The following PSD3 variants were observed in gnomAD, a reference collection of about 807,000 sequenced individuals.
The protein encoded by PSD3 is PH and SEC7 domain-containing protein 3.
PSD3 carries 49 observed loss-of-function variants against 105.5 expected under a neutral mutation model. The observed-to-expected ratio is 0.46, with a 90% confidence interval of 0.37 to 0.59. The LOEUF is 0.59. Ranked by LOEUF, PSD3 falls within the 20% of genes least tolerant of loss-of-function variation. The probability of loss-of-function intolerance (pLI) is 0.00; values close to 1 mark genes in which losing one functional copy is unlikely to be tolerated. For synonymous variants in PSD3, 557 were observed against 457.8 expected (o/e 1.22, Z -2.77); for missense variants, 1,561 against 1,263.8 (o/e 1.24, Z -3.57).
chr8:18,847,887 A>T (rs1005390066), intron 4 of PSD3, among the ~76,000 whole-genome samples: 1 of 152,228 alleles, frequency 6.6e-6, no homozygotes, highest in Non-Finnish European at 1.5e-5. Flanking sequence ...GGCTAGTGAG[A>T]ATCAGCAAGA....
intron 2 of PSD3, among the ~76,000 whole-genome samples, chr8:18,898,238 C>A (rs1819280503): frequency 6.6e-6 from 1 of 152,142 alleles, no homozygotes; most frequent in Non-Finnish European, 1.5e-5. Flanking sequence ...TGTTTAAGTG[C>A]AATTTAAATC....
chr8:18,540,270 C>T (rs952311247), intron 15 of PSD3, among the ~76,000 whole-genome samples: 12 of 152,172 alleles, frequency 7.9e-5, no homozygotes, highest in Non-Finnish European at 1.2e-4. Flanking sequence ...GTACACTTAA[C>T]GGATGACTGT....
In PSD3 at chr8:18,927,951, G is replaced by C. The variant is rs565969972; in HGVS notation, c.130+8083C>G. Among the ~76,000 whole-genome samples, 235 of 152,282 alleles carry C rather than the reference G, an allele frequency of 1.5e-3. 1 individual carries two copies. Among genetic ancestry groups the C allele is most frequent in the African/African-American group, 5.5e-3 (230 of 41,550 alleles). ...AAAACAATTTAGAAGTTCCTCAAAA[G>C]GTTTAATGTAGAATTGCCATTCAAC... On this transcript the variant is annotated intron_variant, in intron 2 of 15. Coordinates refer to ENST00000327040, the MANE Select transcript of PSD3 (RefSeq NM_015310.4).
chr8:18,712,472 T>C (rs1213655225), intron 9 of PSD3, among the ~76,000 whole-genome samples: 1 of 151,998 alleles, frequency 6.6e-6, no homozygotes. Flanking sequence ...TAAACAACCA[T>C]CAGAGAATAC....
rs144358902 is a variant in PSD3 at position 18,710,742 on chromosome 8, C to T, written c.2172+54707G>A. ...TGTCGCCAAGGCTGGAGTGCAGTGG[C>T]GTGATTTAGGCTCACTGCAACGTCC... On this transcript the variant is annotated intron_variant, in intron 9 of 15. Coordinates refer to ENST00000327040, the MANE Select transcript of PSD3 (RefSeq NM_015310.4). Among the ~76,000 whole-genome samples, 1,259 of 151,998 alleles carry T rather than the reference C, an allele frequency of 8.3e-3. 5 individuals carry two copies. Among genetic ancestry groups the T allele is most frequent in the Non-Finnish European group, 0.013 (891 of 67,968 alleles).
In PSD3 at chr8:18,807,315, C is replaced by G. The variant is rs10100332; in HGVS notation, c.1635-2417G>C. Among the ~76,000 whole-genome samples the G allele has an allele frequency of 5.5e-3, 840 of 152,310 alleles. 12 individuals carry two copies. Among genetic ancestry groups the G allele is most frequent in the African/African-American group, 0.019 (804 of 41,568 alleles). On this transcript the variant is annotated intron_variant, in intron 4 of 15. Transcript: ENST00000327040. ...GTAGCTGCAAAGTCTCATACTCCCTCAACCACCACAGGATTAGAAGGAGTT... is the reference window on the plus strand; with the variant it reads ...GTAGCTGCAAAGTCTCATACTCCCTGAACCACCACAGGATTAGAAGGAGTT...
chr8:18,557,937 G>GT (rs1210820737), intron 14 of PSD3, among the ~76,000 whole-genome samples: 3 of 152,194 alleles, frequency 2.0e-5, no homozygotes, highest in Non-Finnish European at 4.4e-5. Flanking sequence ...CCCTAAAGAA[G>GT]TAATAATGGT....
intron 4 of PSD3, among the ~76,000 whole-genome samples, chr8:18,840,884 T>C (rs1240190643): frequency 2.6e-5 from 4 of 152,190 alleles, no homozygotes; most frequent in Non-Finnish European, 5.9e-5. Context: ...CGGTGTGACA[T>C]TGGGCAAGTT....
At chr8:18,879,051 A>AACACACACACACACACACACACAC (rs59598569) in intron 2 of PSD3, among the ~76,000 whole-genome samples, 7 of 138,632 alleles carry the variant, frequency 5.0e-5, no homozygotes, top group Non-Finnish European at 8.0e-5. Flanking sequence ...CACACACACA[A>AACACACACACACACACACACACAC]ACACACACAC....
At chr8:18,561,982 T>C (rs931270103) in intron 14 of PSD3, among the ~76,000 whole-genome samples, 3 of 152,072 alleles carry the variant, frequency 2.0e-5, no homozygotes, top group African/African-American at 4.8e-5. Context: ...GTACTTATCA[T>C]GGAGAGAAGG....
Position 18,581,111 on chromosome 8 carries a change from C to T in PSD3, c.2482-5826G>A, listed in dbSNP as rs183936278. Among the ~76,000 whole-genome samples, 101 of 152,248 alleles carry T rather than the reference C, an allele frequency of 6.6e-4. 1 individual carries two copies. In the South Asian group the frequency reaches 7.0e-3, roughly 11 times the overall value. ...AAGGCTTGTCAAAGCACTTGGCTAG[C>T]GGATGACTCACTCTGTAACGAAGTG... is the stretch of plus-strand genomic sequence containing the variant. On this transcript the variant is annotated intron_variant, in intron 12 of 15. Coordinates refer to ENST00000327040, the MANE Select transcript of PSD3 (RefSeq NM_015310.4).
At chr8:18,906,146 A>G (rs1819832235) in intron 2 of PSD3, among the ~76,000 whole-genome samples, 2 of 152,206 alleles carry the variant, frequency 1.3e-5, no homozygotes, top group Admixed American at 1.3e-4. Flanking sequence ...TCTTTGAGAA[A>G]GACATCCTTG....
intron 8 of PSD3, among the ~76,000 whole-genome samples, chr8:18,786,071 A>G (rs1413265009): frequency 6.6e-6 from 1 of 152,062 alleles, no homozygotes; most frequent in East Asian, 1.9e-4. Context: ...TTACAATAAA[A>G]AGTTTCCCTG....
At chr8:18,672,238 G>A (rs114792629) in intron 9 of PSD3, among the ~76,000 whole-genome samples, 3,919 of 151,802 alleles carry the variant, frequency 0.026, 171 homozygotes, top group African/African-American at 0.088. Flanking sequence ...CAAGAAAAAC[G>A]GTCAATTATA....
chr8:18,705,942 A>T (rs1361011342), intron 9 of PSD3, among the ~76,000 whole-genome samples: 1 of 152,208 alleles, frequency 6.6e-6, no homozygotes, highest in Non-Finnish European at 1.5e-5. Flanking sequence ...CCTACTCCCA[A>T]GGTTTCCCAA....
intron 11 of PSD3, among the ~76,000 whole-genome samples, chr8:18,614,340 T>TC (rs150517140): frequency 0.041 from 3,836 of 93,558 alleles, 130 homozygotes; most frequent in African/African-American, 0.091. Context: ...TTCTCCCCCA[T>TC]CCCCCCCCCA....
chr8:19,048,861 T>G (rs1276813434), intron 1 of PSD3, among the ~76,000 whole-genome samples: 1 of 152,162 alleles, frequency 6.6e-6, no homozygotes, highest in Non-Finnish European at 1.5e-5. Context: ...GCAACAGAAG[T>G]TGATTTTCTC....
At chr8:18,808,165 C>T (rs1195963146) in intron 4 of PSD3, among the ~76,000 whole-genome samples, 4 of 152,132 alleles carry the variant, frequency 2.6e-5, no homozygotes, top group South Asian at 2.1e-4. Flanking sequence ...CAATCAAGTA[C>T]TTTTTATAAT....
intron 4 of PSD3, among the ~76,000 whole-genome samples, chr8:18,834,409 C>T (rs115819392): frequency 1.2e-4 from 18 of 152,210 alleles, no homozygotes; most frequent in African/African-American, 3.4e-4. Context: ...ATCAAAAAAT[C>T]GGCAAAATAC....
Sources: allele counts gnomAD v4.1 joint callset (sites outside exome capture counted in the v4.1 genomes callset), GRCh38; gene constraint gnomAD v4.1.1; transcripts MANE v1.5; gene names NCBI Gene and HGNC (gene_info 2026-07-23, HGNC 2026-07-21).